The following ANKRD27 variants were observed in gnomAD, a reference collection of about 807,000 sequenced individuals.
The protein encoded by ANKRD27 is ankyrin repeat domain 27.
In ANKRD27, 112 loss-of-function variants were observed where a neutral mutation model predicts 129.7. The ratio of observed to expected loss-of-function variants is 0.86; its 90% CI spans 0.74 to 1.01. The LOEUF (loss-of-function observed/expected upper bound fraction) is 1.01, where lower values mean the gene tolerates loss of function less well. Ranked by LOEUF, ANKRD27 falls within the 50% of genes least tolerant of loss-of-function variation. The pLI, the probability that ANKRD27 is intolerant of heterozygous loss-of-function variation, is 0.00. For missense variants in ANKRD27, 1,258 were observed against 1,300.5 expected (o/e 0.97, Z 0.50); for synonymous variants, 516 against 511.2 (o/e 1.01, Z -0.13).
intron 21 of ANKRD27, 47 bp downstream of exon 21, chr19:32,617,542 G>A: frequency 1.4e-6 from 1 of 728,360 alleles, no homozygotes; most frequent in African/African-American, 1.8e-5. Context: ...ACAAGACCCT[G>A]TCTCTAAAAA....
rs531292691 is a variant in ANKRD27, at chr19:32,616,296, T to C, written c.2053-516A>G. On this transcript the variant is annotated intron_variant, in intron 21 of 28. Coordinates refer to ENST00000306065, the MANE Select transcript of ANKRD27 (RefSeq NM_032139.3). ...GGGCAGGCATGGTGGCTCACGCCTG[T>C]AATCCCAGCATTTGGGGAGGCCTAA... is the stretch of plus-strand genomic sequence containing the variant. 7.2e-5 allele frequency among the ~76,000 whole-genome samples: 11 copies of C among 152,256 alleles called. No individual in the cohort carries two copies. In the South Asian group the frequency reaches 2.3e-3, roughly 32 times the overall value.
At chr19:32,616,650 T>C (rs1437238207) in intron 21 of ANKRD27, among the ~76,000 whole-genome samples, 3 of 151,778 alleles carry the variant, frequency 2.0e-5, no homozygotes, top group African/African-American at 7.3e-5. Context: ...CTGTCTCCAA[T>C]GTCCACTCAT....
At chr19:32,651,241 A>G (rs1260330601) in intron 2 of ANKRD27, among the ~76,000 whole-genome samples, 1 of 152,118 alleles carries the variant, frequency 6.6e-6, no homozygotes, top group African/African-American at 2.4e-5. Flanking sequence ...GGATCTAAAG[A>G]GCCAGTCCTC....
In ANKRD27 at chr19:32,598,320, T is replaced by A. The variant is rs776619083; in HGVS notation, c.2978A>T (p.His993Leu). The change falls in exon 29 of 29, where the codon CAT (histidine) becomes CTT (leucine). Residue 993 changes from histidine to leucine, a missense_variant. His to Leu is a moderately conservative substitution (Grantham distance 99, BLOSUM62 -3). Coordinates refer to ENST00000306065, the MANE Select transcript of ANKRD27 (RefSeq NM_032139.3). ...QNNLPAQSGS[H>L]AAEKGNSDWP... ...GTCGCTGTTGCCTTTCTCAGCAGCATGAGATCCACTCTGAGCTGGCAGGTT... is the reference window on the plus strand; with the variant it reads ...GTCGCTGTTGCCTTTCTCAGCAGCAAGAGATCCACTCTGAGCTGGCAGGTT... The A allele has an allele frequency of 9.9e-6, 16 of 1,611,922 alleles. No homozygotes were observed. The highest frequency in any genetic ancestry group is 1.4e-5 in the Non-Finnish European group (16 of 1,177,974).
At chr19:32,621,582 T>C (rs1972010853) in intron 18 of ANKRD27, among the ~76,000 whole-genome samples, 2 of 151,992 alleles carry the variant, frequency 1.3e-5, no homozygotes, top group African/African-American at 4.8e-5. Context: ...GAGCCAAGAT[T>C]GTGCCACTGC....
Position 32,601,986 on chromosome 19 carries a change from A to AGCGTGACAGAAAGAACGTAAACTCTT in ANKRD27, c.2767+3_2767+28dup, listed in dbSNP as rs753573545. 12 of 1,419,546 alleles carry AGCGTGACAGAAAGAACGTAAACTCTT rather than the reference A, an allele frequency of 8.5e-6. No homozygotes were observed. The South Asian group carries it at 1.4e-4, about 17-fold the overall frequency. 87.9% of individuals were successfully genotyped at this position (1,419,546 alleles called of 1,614,324 possible). A position where few individuals can be genotyped will look rare whatever the true frequency, so the allele number is the denominator to read the frequency against. ...TGAATGTCTAAATATACCCAACTTG[A>AGCGTGACAGAAAGAACGTAAACTCTT]GCGTGACAGAAAGAACGTAAACTCT... On this transcript the variant is annotated intron_variant, in intron 26 of 28. Transcript: ENST00000306065.
At chr19:32,607,110 G>A (rs1230486447) in intron 23 of ANKRD27, among the ~76,000 whole-genome samples, 2 of 135,766 alleles carry the variant, frequency 1.5e-5, no homozygotes, top group Admixed American at 8.1e-5. Context: ...GCACTCCCAC[G>A]CTCCAGCCTG....
At chr19:32,651,730 C>G (rs1477800125) in intron 2 of ANKRD27, among the ~76,000 whole-genome samples, 1 of 152,082 alleles carries the variant, frequency 6.6e-6, no homozygotes, top group Non-Finnish European at 1.5e-5. Flanking sequence ...CACATGCTGC[C>G]CGCTTGTTTG....
chr19:32,645,172 G>C (rs925787668), intron 4 of ANKRD27, among the ~76,000 whole-genome samples: 3 of 152,138 alleles, frequency 2.0e-5, no homozygotes, highest in African/African-American at 7.2e-5. Flanking sequence ...CCAGCACTTT[G>C]GGAGGCTGAG....
chr19:32,673,188 G>A (rs569697191), intron 1 of ANKRD27: 5 of 700,818 alleles, frequency 7.1e-6, no homozygotes, highest in African/African-American at 3.9e-5. Context: ...GGAAGCTGCC[G>A]GCCAAGATTA....
rs776328716 is a variant in ANKRD27, at chr19:32,615,664, A to C, written c.2169T>G (p.Ala723=). ...AACAGAAACAAAGCCAAACCTTCTGAGCTGGGGCACACTTGGGGCACTGGC... is the reference window on the plus strand; with the variant it reads ...AACAGAAACAAAGCCAAACCTTCTGCGCTGGGGCACACTTGGGGCACTGGC... The part of the protein sequence containing the change: ...PLCQCPKCAP[A]QKRLAKVPAS... The change falls in exon 22 of 29, where the codon GCT becomes GCG. Residue 723 remains alanine, a synonymous_variant. Transcript: ENST00000306065. 6.2e-7 allele frequency: 1 copy of C among 1,614,162 alleles called. No individual in the cohort carries two copies. The highest frequency in any genetic ancestry group is 1.1e-5 in the South Asian group (1 of 91,080).
At chr19:32,610,421 G>C (rs1971817243) in intron 22 of ANKRD27, among the ~76,000 whole-genome samples, 1 of 151,318 alleles carries the variant, frequency 6.6e-6, no homozygotes, top group South Asian at 2.1e-4. Flanking sequence ...AGAGTTTGAG[G>C]CTTCAGTGAG....
chr19:32,671,772 G>A (rs1045628205), intron 1 of ANKRD27, among the ~76,000 whole-genome samples: 4 of 152,190 alleles, frequency 2.6e-5, no homozygotes, highest in African/African-American at 9.7e-5. Flanking sequence ...TTGTAAAACT[G>A]GAAAGATAAG....
intron 12 of ANKRD27, among the ~76,000 whole-genome samples, chr19:32,634,749 C>T (rs953351828): frequency 6.6e-6 from 1 of 152,104 alleles, no homozygotes; most frequent in African/African-American, 2.4e-5. Context: ...AATCCTATCT[C>T]CACAAAAATA....
intron 6 of ANKRD27, 32 bp downstream of exon 6, chr19:32,643,540 C>T (rs1464980831): frequency 6.2e-7 from 1 of 1,613,776 alleles, no homozygotes; most frequent in Non-Finnish European, 8.5e-7. Flanking sequence ...GGGTGCACCA[C>T]AATTCTCCCT....
At chr19:32,673,759 A>T (rs1967917892) in intron 1 of ANKRD27, among the ~76,000 whole-genome samples, 1 of 151,962 alleles carries the variant, frequency 6.6e-6, no homozygotes, top group Non-Finnish European at 1.5e-5. Flanking sequence ...TAAAGGACGG[A>T]CCCCTGGGTG....
chr19:32,646,409 C>A (rs1395900666), intron 4 of ANKRD27, 50 bp downstream of exon 4: 1 of 1,564,076 alleles, frequency 6.4e-7, no homozygotes, highest in African/African-American at 1.4e-5. Flanking sequence ...ACAAGTTCAA[C>A]AAACACATTT....
intron 3 of ANKRD27, among the ~76,000 whole-genome samples, chr19:32,647,161 T>C (rs259219): frequency 0.77 from 117,822 of 152,174 alleles, 46,215 homozygotes; most frequent in African/African-American, 0.9. Flanking sequence ...CAGTTTCCTT[T>C]ATTTGGAACA....
At position 32,642,042 on chromosome 19, in the gene ANKRD27, G is replaced by A. The variant is rs752991741; in HGVS notation, c.886C>T (p.Gln296Ter). The change falls in exon 10 of 29, where the codon CAG (glutamine) becomes TAG (stop). Residue 296 changes from glutamine (Q) to a stop codon, truncating the protein, a stop_gained. Transcript: ENST00000306065. LOFTEE classifies it high-confidence loss of function. ...CACAAACCTCTCTGGCTTGGAGACT[G>A]TGTAATGAGCTGCACCACTTTTCGC... is the stretch of plus-strand genomic sequence containing the variant. ...CLRKVVQLITQSPSQRVNLET... is the reference protein window; with the variant it reads ...CLRKVVQLIT 1.0e-5 allele frequency: 16 copies of A among 1,606,276 alleles called. No individual in the cohort carries two copies. The highest frequency in any genetic ancestry group is 9.9e-5 in the South Asian group (9 of 90,478).
Sources: gnomAD v4.1 joint callset for allele counts (sites outside exome capture counted in the v4.1 genomes callset) on GRCh38, gnomAD v4.1.1 for gene constraint, MANE v1.5 for transcripts, NCBI Gene and HGNC (gene_info 2026-07-23, HGNC 2026-07-21) for gene names.